The following DOK6 variants were observed in gnomAD, a reference collection of about 807,000 sequenced individuals.
The protein encoded by DOK6 is downstream of tyrosine kinase 6.
A neutral mutation model predicts 44.0 loss-of-function variants in DOK6; 22 were observed. The observed-to-expected ratio is 0.50, with a 90% CI of 0.36 to 0.71. DOK6 has a LOEUF of 0.71. DOK6 is among the 30% of genes least tolerant of loss of function. The pLI is 0.00. For synonymous variants in DOK6, 166 were observed against 145.5 expected (o/e 1.14, Z -1.01); for missense variants, 340 against 416.4 (o/e 0.82, Z 1.60).
At chr18:69,792,795 C>A (rs1980637721) in intron 7 of DOK6, among the ~76,000 whole-genome samples, 1 of 151,992 alleles carries the variant, frequency 6.6e-6, no homozygotes, top group Non-Finnish European at 1.5e-5. Flanking sequence ...CTTGTAATTG[C>A]AACATATTAC....
At chr18:69,770,031 C>T (rs1053035177) in intron 7 of DOK6, among the ~76,000 whole-genome samples, 1 of 152,116 alleles carries the variant, frequency 6.6e-6, no homozygotes, top group African/African-American at 2.4e-5. Flanking sequence ...AGATATTATG[C>T]TAGGTGTTAT....
intron 5 of DOK6, among the ~76,000 whole-genome samples, chr18:69,717,177 C>T (rs982343316): frequency 2.0e-5 from 3 of 152,104 alleles, no homozygotes; most frequent in East Asian, 1.9e-4. Context: ...GAGATTGACT[C>T]GTTTTATTCC....
At chr18:69,538,312 C>G (rs1156308225) in intron 1 of DOK6, among the ~76,000 whole-genome samples, 1 of 152,030 alleles carries the variant, frequency 6.6e-6, no homozygotes, top group African/African-American at 2.4e-5. Flanking sequence ...TTAAAGCATG[C>G]TATTCATTGT....
In DOK6 at chr18:69,565,603, A is replaced by G. The variant is rs1982958990; in HGVS notation, c.174+1009A>G. On this transcript the variant is annotated intron_variant, in intron 2 of 7. Transcript: ENST00000382713. ...CTATGTTGCTGGTCTCAAACTCCTG[A>G]TCTCAAACAATCCTCCTGCCTTGAT... Among the ~76,000 whole-genome samples the G allele has an allele frequency of 2.0e-5, 3 of 151,874 alleles. 1 individual carries two copies. In the South Asian group the frequency reaches 6.2e-4, roughly 32 times the overall value.
chr18:69,463,768 C>G (rs1297818824), intron 1 of DOK6, among the ~76,000 whole-genome samples: 2 of 151,050 alleles, frequency 1.3e-5, no homozygotes, highest in Non-Finnish European at 3.0e-5. Context: ...TGTCTGTGTG[C>G]ATGTGTGTGT....
chr18:69,740,081 G>A (rs1251471291), intron 6 of DOK6, among the ~76,000 whole-genome samples: 2 of 151,990 alleles, frequency 1.3e-5, no homozygotes, highest in Non-Finnish European at 2.9e-5. Context: ...TCTGGGGTAC[G>A]GTTAAAAAAG....
rs115623284 is a variant in DOK6 at position 69,736,575 on chromosome 18, A to G, written c.600-2390A>G. On this transcript the variant is annotated intron_variant, in intron 5 of 7. Transcript: ENST00000382713. ...AAGTCAGGACAAACACACGTCATCCATATTTTCCCTGTTTCACAAAATAAA... is the reference window on the plus strand; with the variant it reads ...AAGTCAGGACAAACACACGTCATCCGTATTTTCCCTGTTTCACAAAATAAA... Among the ~76,000 whole-genome samples, 420 of 152,318 alleles carry G rather than the reference A, an allele frequency of 2.8e-3. 2 individuals carry two copies. The highest frequency in any genetic ancestry group is 9.7e-3 in the African/African-American group (402 of 41,572).
At chr18:69,635,812 A>G (rs1323205886) in intron 3 of DOK6, among the ~76,000 whole-genome samples, 2 of 152,254 alleles carry the variant, frequency 1.3e-5, no homozygotes, top group Non-Finnish European at 2.9e-5. Context: ...AAGAGGTGCA[A>G]TGTTGGGGGT....
intron 4 of DOK6, among the ~76,000 whole-genome samples, chr18:69,684,421 C>T (rs1371516264): frequency 5.3e-5 from 8 of 152,104 alleles, no homozygotes; most frequent in African/African-American, 1.7e-4. Context: ...ACCAAAGGAC[C>T]GATCCTGGTT....
intron 4 of DOK6, among the ~76,000 whole-genome samples, chr18:69,683,127 A>T (rs552681495): frequency 2.6e-5 from 4 of 152,216 alleles, no homozygotes; most frequent in Non-Finnish European, 4.4e-5. Flanking sequence ...CAATAATTTT[A>T]TCTATGGGAT....
chr18:69,787,336 A>G (rs1441992154), intron 7 of DOK6, among the ~76,000 whole-genome samples: 1 of 152,200 alleles, frequency 6.6e-6, no homozygotes, highest in African/African-American at 2.4e-5. Context: ...TTGTCAAAAT[A>G]GGACAATATA....
rs1555674697 is a variant in DOK6, at chr18:69,847,773, A to AATATATAT, written c.*6395_*6402dup. The AATATATAT allele has an allele frequency of 1.5e-4, 22 of 150,630 alleles. No homozygotes were observed. In the East Asian group the frequency reaches 3.3e-3, roughly 23 times the overall value. The allele number at this position is 150,630 out of a possible 1,614,324, so 9.3% of individuals were successfully genotyped here. ...AATGCTTACTCTTGTAAAAAAAAAA[A>AATATATAT]ATATATATATATGTATCAGCAGGTA... On this transcript the variant is annotated 3_prime_UTR_variant, in exon 8 of 8. Transcript: ENST00000382713.
At position 69,494,424 on chromosome 18, in the gene DOK6, C is replaced by CA. The variant is rs146129337; in HGVS notation, c.67-70059dup. ...CCAGGAGACAGAGGTTGCAGTGAGC[C>CA]AAAATCAAGCCACTACACTCCAGCC... On this transcript the variant is annotated intron_variant, in intron 1 of 7. Transcript: ENST00000382713. 4.2e-3 allele frequency among the ~76,000 whole-genome samples: 636 copies of CA among 152,098 alleles called. 3 individuals are homozygous for CA. The highest frequency in any genetic ancestry group is 7.6e-3 in the Non-Finnish European group (515 of 67,980).
chr18:69,482,317 G>A lies in DOK6; in HGVS notation c.66+81007G>A, dbSNP rs536881449. ...CTTGCCCATGCCTATGTCCTGAATGGTATTGCACGTGCACTGATGGGGATT... is the reference window on the plus strand; with the variant it reads ...CTTGCCCATGCCTATGTCCTGAATGATATTGCACGTGCACTGATGGGGATT... On this transcript the variant is annotated intron_variant, in intron 1 of 7. Transcript: ENST00000382713. Among the ~76,000 whole-genome samples, 6 of 152,232 alleles carry A rather than the reference G, an allele frequency of 3.9e-5. No homozygotes were observed. In the East Asian group the frequency reaches 7.7e-4, roughly 20 times the overall value.
intron 7 of DOK6, among the ~76,000 whole-genome samples, chr18:69,819,212 A>G (rs549708854): frequency 6.6e-6 from 1 of 152,256 alleles, no homozygotes; most frequent in African/African-American, 2.4e-5. Context: ...CCATATCAGT[A>G]TCTTAATCAT....
At chr18:69,499,581 A>G (rs745964461) in intron 1 of DOK6, among the ~76,000 whole-genome samples, 164 of 152,114 alleles carry the variant, frequency 1.1e-3, no homozygotes, top group Non-Finnish European at 8.8e-4. Flanking sequence ...TTTTATCTCT[A>G]TTTCATGTAA....
At chr18:69,818,931 G>A (rs1228504508) in intron 7 of DOK6, among the ~76,000 whole-genome samples, 1 of 152,184 alleles carries the variant, frequency 6.6e-6, no homozygotes, top group Non-Finnish European at 1.5e-5. Flanking sequence ...TTCCCATTGG[G>A]CTTGCCCTCA....
chr18:69,484,387 G>C, intron 1 of DOK6, among the ~76,000 whole-genome samples: 1 of 152,106 alleles, frequency 6.6e-6, no homozygotes, highest in Admixed American at 6.6e-5. Context: ...TTGCTGATGG[G>C]AACAAAGCCT....
Position 69,694,008 on chromosome 18 carries a change from G to C in DOK6, c.410-4396G>C, listed in dbSNP as rs1050288718. 1.4e-4 allele frequency among the ~76,000 whole-genome samples: 18 copies of C among 133,198 alleles called. No homozygotes were observed. The Admixed American group carries it at 1.6e-3, about 12-fold the overall frequency. 87.4% of individuals were successfully genotyped at this position (133,198 alleles called of 152,430 possible). On this transcript the variant is annotated intron_variant, in intron 4 of 7. Transcript: ENST00000382713. Reference sequence around the variant, plus strand: ...CGGGAGGCGGAGCTTGCAGCGAGCCGAGATCCCGCCACCGCACTCCAGCCT... The same window carrying C: ...CGGGAGGCGGAGCTTGCAGCGAGCCCAGATCCCGCCACCGCACTCCAGCCT...
Sources: allele counts gnomAD v4.1 joint callset (sites outside exome capture counted in the v4.1 genomes callset), GRCh38; gene constraint gnomAD v4.1.1; transcripts MANE v1.5; gene names NCBI Gene and HGNC (gene_info 2026-07-23, HGNC 2026-07-21).